PEMT: variants seen among roughly 807,000 people sequenced by gnomAD.
PEMT encodes phosphatidylethanolamine N-methyltransferase.
A neutral mutation model predicts 27.4 loss-of-function variants in PEMT; 23 were observed. The ratio of observed to expected loss-of-function variants is 0.84; its 90% CI spans 0.60 to 1.19. The LOEUF is 1.19. PEMT is among the 50% of genes most tolerant of loss of function. The pLI is 0.00. For synonymous variants in PEMT, 137 were observed against 139.1 expected (o/e 0.98, Z 0.11); for missense variants, 307 against 310.1 (o/e 0.99, Z 0.07).
chr17:17,575,363 G>A lies in PEMT; in HGVS notation c.204+1557C>T, dbSNP rs147567011. On this transcript the variant is annotated intron_variant, in intron 2 of 6. Coordinates refer to ENST00000255389, the MANE Select transcript of PEMT (RefSeq NM_148172.3). The stretch of plus-strand genomic sequence containing the variant: ...CAAGCTCCTTGACTTCATCACGTCT[G>A]CAAAGATCCTTGTGTGTGTGCCATA... Among the ~76,000 whole-genome samples, 16 of 152,376 alleles carry A rather than the reference G, an allele frequency of 1.1e-4. No individual in the cohort carries two copies. In the East Asian group the frequency reaches 2.9e-3, roughly 28 times the overall value.
At chr17:17,529,723 C>G (rs1334626759) in intron 2 of PEMT, among the ~76,000 whole-genome samples, 1 of 152,212 alleles carries the variant, frequency 6.6e-6, no homozygotes, top group Non-Finnish European at 1.5e-5. Context: ...CGTTTTGCTC[C>G]CCGCCTCCTC....
intron 3 of PEMT, among the ~76,000 whole-genome samples, chr17:17,517,193 T>C (rs560583069): frequency 6.6e-6 from 1 of 152,180 alleles, no homozygotes; most frequent in Non-Finnish European, 1.5e-5. Flanking sequence ...GGGGAGTCCC[T>C]AAGCAAAGAC....
chr17:17,511,958 C>T (rs1439883489), intron 4 of PEMT, among the ~76,000 whole-genome samples: 1 of 152,198 alleles, frequency 6.6e-6, no homozygotes, highest in Non-Finnish European at 1.5e-5. Context: ...GCACCTCAGC[C>T]ACAGGCAGAG....
chr17:17,590,428 C>T (rs755072407), intron 1 of PEMT, among the ~76,000 whole-genome samples: 7 of 152,184 alleles, frequency 4.6e-5, no homozygotes, highest in Admixed American at 1.3e-4. Context: ...CTCGCAGATA[C>T]GGCAACAGGC....
At chr17:17,542,169 C>T (rs958390930) in intron 2 of PEMT, among the ~76,000 whole-genome samples, 19 of 152,044 alleles carry the variant, frequency 1.2e-4, no homozygotes, top group African/African-American at 4.1e-4. Flanking sequence ...TTAGTAGAGA[C>T]GGGATTTCAC....
intron 2 of PEMT, among the ~76,000 whole-genome samples, chr17:17,564,077 G>T (rs1255192789): frequency 6.6e-6 from 1 of 152,202 alleles, no homozygotes; most frequent in Non-Finnish European, 1.5e-5. Flanking sequence ...AGGTGGTTTT[G>T]AGAGCAATCC....
intron 3 of PEMT, chr17:17,519,006 T>C (rs1907064414): frequency 6.6e-6 from 1 of 152,190 alleles, no homozygotes; most frequent in Admixed American, 6.5e-5. Flanking sequence ...TCTATTTTAC[T>C]GCACAAAAAA....
chr17:17,576,045 C>T (rs1019218573), intron 2 of PEMT, among the ~76,000 whole-genome samples: 10 of 152,120 alleles, frequency 6.6e-5, no homozygotes, highest in African/African-American at 1.7e-4. Flanking sequence ...GATCACAGGA[C>T]GCTCAGGGCT....
intron 1 of PEMT, among the ~76,000 whole-genome samples, chr17:17,577,645 T>C (rs1346426824): frequency 6.8e-6 from 1 of 147,798 alleles, no homozygotes; most frequent in Non-Finnish European, 1.5e-5. Context: ...ACAACTTAGG[T>C]GTCCAGCAAC....
chr17:17,509,453 A>T lies in PEMT; in HGVS notation c.559T>A (p.Tyr187Asn), dbSNP rs1416562852. The change falls in exon 5 of 7, where the codon TAC becomes AAC. Residue 187 changes from tyrosine to asparagine, a missense_variant. Coordinates refer to ENST00000255389, the MANE Select transcript of PEMT (RefSeq NM_148172.3). The stretch of plus-strand genomic sequence containing the variant: ...ACTCACATGATGGCCCAGCCCAGGT[A>T]GTTGGCTGTGCTTCCCCAGTACATG... ...NPMYWGSTANYLGWAIMHASP... is the reference protein window; with the variant it reads ...NPMYWGSTANNLGWAIMHASP... The T allele has an allele frequency of 1.2e-6, 2 of 1,611,796 alleles. No individual in the cohort carries two copies. Among genetic ancestry groups the T allele is most frequent in the Non-Finnish European group, 8.5e-7 (1 of 1,177,966 alleles).
chr17:17,537,476 C>A (rs979687621), intron 2 of PEMT, among the ~76,000 whole-genome samples: 2 of 152,226 alleles, frequency 1.3e-5, no homozygotes, highest in Admixed American at 1.3e-4. Context: ...CCAGCCCAGC[C>A]CAGGACCCTG....
intron 3 of PEMT, among the ~76,000 whole-genome samples, chr17:17,520,623 G>A (rs940104349): frequency 1.4e-4 from 21 of 152,226 alleles, no homozygotes; most frequent in Admixed American, 1.2e-3. Context: ...GCGGTGCCAT[G>A]GGCCAAACCC....
At chr17:17,570,442 T>C in intron 2 of PEMT, 1 of 873,484 alleles carries the variant, frequency 1.1e-6, no homozygotes, top group Non-Finnish European at 1.4e-6. Context: ...TACTGACATC[T>C]AGTGGGCAGA....
chr17:17,583,795 C>T (rs1204052455), intron 1 of PEMT, among the ~76,000 whole-genome samples: 6 of 152,190 alleles, frequency 3.9e-5, no homozygotes, highest in Non-Finnish European at 8.8e-5. Context: ...GGGAAGACCC[C>T]GATGCTGGAA....
At chr17:17,588,324 T>C (rs1310202141) in intron 1 of PEMT, among the ~76,000 whole-genome samples, 1 of 152,140 alleles carries the variant, frequency 6.6e-6, no homozygotes, top group African/African-American at 2.4e-5. Flanking sequence ...AAGGCAAACA[T>C]TTTTCCCTGA....
At chr17:17,573,382 G>T (rs1284636252) in intron 2 of PEMT, among the ~76,000 whole-genome samples, 1 of 146,886 alleles carries the variant, frequency 6.8e-6, no homozygotes, top group Non-Finnish European at 1.5e-5. Flanking sequence ...CAGGGGAATC[G>T]CTTGAACCTG....
In PEMT at chr17:17,558,871, G is replaced by C. The variant is rs375985943; in HGVS notation, c.204+18049C>G. Among the ~76,000 whole-genome samples, 12 of 152,058 alleles carry C rather than the reference G, an allele frequency of 7.9e-5. No individual in the cohort carries two copies. In the East Asian group the frequency reaches 1.5e-3, roughly 20 times the overall value. On this transcript the variant is annotated intron_variant, in intron 2 of 6. Coordinates refer to ENST00000255389, the MANE Select transcript of PEMT (RefSeq NM_148172.3). ...CACCTAGCAGGAAGCACCACTCCAA[G>C]GTCAGCCCACCCAACCAGGGTCCTA...
At chr17:17,568,477 A>G (rs972568435) in intron 2 of PEMT, among the ~76,000 whole-genome samples, 20 of 152,234 alleles carry the variant, frequency 1.3e-4, no homozygotes, top group African/African-American at 1.9e-4. Context: ...GAGCTGCCCC[A>G]GAGCCAGGAC....
chr17:17,558,232 C>A (rs186653304), intron 2 of PEMT, among the ~76,000 whole-genome samples: 1 of 152,014 alleles, frequency 6.6e-6, no homozygotes, highest in Non-Finnish European at 1.5e-5. Context: ...TAGGGCTGGG[C>A]GTGGTGGCTC....
Sources: gnomAD v4.1 joint callset for allele counts (sites outside exome capture counted in the v4.1 genomes callset) on GRCh38, gnomAD v4.1.1 for gene constraint, MANE v1.5 for transcripts, NCBI Gene and HGNC (gene_info 2026-07-23, HGNC 2026-07-21) for gene names.